SYT7: variants seen among roughly 807,000 people sequenced by gnomAD.
SYT7 encodes the protein synaptotagmin 7.
In SYT7, 29 loss-of-function variants were observed where a neutral mutation model predicts 75.1. The ratio of observed to expected loss-of-function variants is 0.39; its 90% CI spans 0.29 to 0.53. The LOEUF (loss-of-function observed/expected upper bound fraction) is 0.53, where lower values mean the gene tolerates loss of function less well. Among genes scored for constraint, SYT7 ranks in the 20% least tolerant of loss-of-function variants. The probability of loss-of-function intolerance (pLI) is 0.77; values close to 1 mark genes in which losing one functional copy is unlikely to be tolerated. For synonymous variants in SYT7, 376 were observed against 401.7 expected (o/e 0.94, Z 0.76); for missense variants, 693 against 953.2 (o/e 0.73, Z 3.59).
At position 61,547,445 on chromosome 11, in the gene SYT7, C is replaced by A. The variant is rs993351076; in HGVS notation, c.216-137G>T. 40 of 1,006,344 alleles carry A rather than the reference C, an allele frequency of 4.0e-5. 1 individual carries two copies. In the South Asian group the frequency reaches 6.4e-4, roughly 16 times the overall value. The allele number at this position is 1,006,344 out of a possible 1,614,324, so 62.3% of individuals were successfully genotyped here. ...GCGGGGCTTCGTGGGTCAGCTCCTG[C>A]GGGAGGAAGAAAGGCAGGCGGGCAC... On this transcript the variant is annotated intron_variant, in intron 3 of 12. Transcript: ENST00000539008.
rs1248182469 is a variant in SYT7, at chr11:61,576,219, G to A, written c.31+4571C>T. Among the ~76,000 whole-genome samples the A allele has an allele frequency of 4.6e-5, 7 of 152,218 alleles. No homozygotes were observed. The highest frequency in any genetic ancestry group is 2.6e-4 in the Admixed American group (4 of 15,286). ...TGCCCTGCAGACACTAGTTGGACAGGGCCCAGCAGGGCTGCCCCTGCTGCC... is the reference window on the plus strand; with the variant it reads ...TGCCCTGCAGACACTAGTTGGACAGAGCCCAGCAGGGCTGCCCCTGCTGCC... On this transcript the variant is annotated intron_variant, in intron 1 of 12. Transcript: ENST00000539008. The surrounding 1 kb of genome is among the most constrained non-coding windows in gnomAD (Gnocchi z 4.1).
intron 6 of SYT7, 86 bp from the exon 7 acceptor site, chr11:61,538,352 A>AGG (rs1460081469): frequency 1.2e-4 from 70 of 597,714 alleles, no homozygotes; most frequent in African/African-American, 1.1e-3. Flanking sequence ...AGAGGGAGAG[A>AGG]GAGAGAGAGA....
rs369401106 is a variant in SYT7, at chr11:61,527,791, A to G, written c.1471+124T>C. ...TATCTGCTTGCATGTGTGTTTGTGCATTTGTGGGCCTGCAGGTGTGTGTAC... is the reference window on the plus strand; with the variant it reads ...TATCTGCTTGCATGTGTGTTTGTGCGTTTGTGGGCCTGCAGGTGTGTGTAC... On this transcript the variant is annotated intron_variant, in intron 9 of 12. Coordinates refer to ENST00000539008, the MANE Select transcript of SYT7 (RefSeq NM_001365809.2). The G allele has an allele frequency of 2.6e-5, 30 of 1,175,050 alleles. No homozygotes were observed. The South Asian group carries it at 3.8e-4, about 15-fold the overall frequency. 72.8% of individuals were successfully genotyped at this position (1,175,050 alleles called of 1,614,324 possible). A position where few individuals can be genotyped will look rare whatever the true frequency, so the allele number is the denominator to read the frequency against.
intron 1 of SYT7, among the ~76,000 whole-genome samples, chr11:61,563,187 A>G (rs192869320): frequency 2.2e-4 from 33 of 152,322 alleles, no homozygotes; most frequent in African/African-American, 7.7e-4. Context: ...TGAATTTGCC[A>G]TCACTTGTCT....
At position 61,516,754 on chromosome 11, in the gene SYT7, C is replaced by A. The variant is rs1165807166; in HGVS notation, c.*1873G>T. On this transcript the variant is annotated 3_prime_UTR_variant, in exon 13 of 13. Coordinates refer to ENST00000539008, the MANE Select transcript of SYT7 (RefSeq NM_001365809.2). The surrounding 1 kb of genome is among the most constrained non-coding windows in gnomAD (Gnocchi z 4.6). Reference sequence around the variant, plus strand: ...TAGAAACATTTGGATTTACAAGGAACGTGGGTGACTATTTGCTTTACATTA... The same window carrying A: ...TAGAAACATTTGGATTTACAAGGAAAGTGGGTGACTATTTGCTTTACATTA... 6.6e-6 allele frequency: 1 copy of A among 152,644 alleles called. No individual in the cohort carries two copies. The highest frequency in any genetic ancestry group is 6.5e-5 in the Admixed American group (1 of 15,296). The allele number at this position is 152,644 out of a possible 1,614,324, so 9.5% of individuals were successfully genotyped here.
intron 1 of SYT7, among the ~76,000 whole-genome samples, chr11:61,570,730 C>T (rs2063898983): frequency 6.6e-6 from 1 of 152,184 alleles, no homozygotes; most frequent in Admixed American, 6.5e-5. Flanking sequence ...AGTAGGACTG[C>T]AATCCATGAG....
At chr11:61,585,658 C>T (rs2064371312), upstream of SYT7, among the ~76,000 whole-genome samples, 2 of 152,202 alleles carry the variant, frequency 1.3e-5, no homozygotes, top group Non-Finnish European at 2.9e-5. Context: ...CCCACCTCAT[C>T]ACCATCAATA....
chr11:61,582,514 C>CACACACAT (rs1357669269), upstream of SYT7, among the ~76,000 whole-genome samples: 1 of 152,188 alleles, frequency 6.6e-6, no homozygotes, highest in Non-Finnish European at 1.5e-5. Flanking sequence ...AACCACCACA[C>CACACACAT]ACACACATAC....
chr11:61,556,459 G>A (rs927652058), intron 1 of SYT7, among the ~76,000 whole-genome samples: 1 of 152,178 alleles, frequency 6.6e-6, no homozygotes, highest in African/African-American at 2.4e-5. Context: ...CTCCCTGCAC[G>A]GACCCTGTGT....
rs142747426 is a variant in SYT7 at position 61,528,742 on chromosome 11, G to A, written c.1201-557C>T. 9.8e-5 allele frequency among the ~76,000 whole-genome samples: 15 copies of A among 152,298 alleles called. No homozygotes were observed. The East Asian group carries it at 1.5e-3, about 16-fold the overall frequency. ...AGAGAGGCAAGTTTTCAGGAGCAAC[G>A]TCTGTTTGTGTAAGGCAGAATCACT... On this transcript the variant is annotated intron_variant, in intron 8 of 12. Coordinates refer to ENST00000539008, the MANE Select transcript of SYT7 (RefSeq NM_001365809.2).
At position 61,542,170 on chromosome 11, in the gene SYT7, T is replaced by C. The variant is rs2063061005; in HGVS notation, c.941+41A>G. 1 of 1,518,090 alleles carries C rather than the reference T, an allele frequency of 6.6e-7. No homozygotes were observed. The highest frequency in any genetic ancestry group is 1.4e-5 in the African/African-American group (1 of 71,468). 94.0% of individuals were successfully genotyped at this position (1,518,090 alleles called of 1,614,324 possible). ...GAGATCTGGGGGGCAGGAGGCTGGG[T>C]CAGGGAGGTGGGGGCCGGCCCGCTC... On this transcript the variant is annotated intron_variant, in intron 6 of 12. Coordinates refer to ENST00000539008, the MANE Select transcript of SYT7 (RefSeq NM_001365809.2). The surrounding 1 kb of genome is among the most constrained non-coding windows in gnomAD (Gnocchi z 7.8).
Position 61,516,776 on chromosome 11 carries a change from A to G in SYT7, c.*1851T>C, listed in dbSNP as rs1286116902. The G allele has an allele frequency of 1.3e-5, 2 of 153,682 alleles. No homozygotes were observed. Among genetic ancestry groups the G allele is most frequent in the Non-Finnish European group, 2.9e-5 (2 of 69,100 alleles). 9.5% of individuals were successfully genotyped at this position (153,682 alleles called of 1,614,324 possible). ...GAACGTGGGTGACTATTTGCTTTACATTAGCATTCTTCACTCTACAAAACG... is the reference window on the plus strand; with the variant it reads ...GAACGTGGGTGACTATTTGCTTTACGTTAGCATTCTTCACTCTACAAAACG... On this transcript the variant is annotated 3_prime_UTR_variant, in exon 13 of 13. Transcript: ENST00000539008. The surrounding 1 kb of genome is among the most constrained non-coding windows in gnomAD (Gnocchi z 4.6).
Position 61,556,207 on chromosome 11 carries a change from C to A in SYT7, c.32G>T (p.Gly11Val). ...CAGCAGGACGTCGCGCGAGGGCGCC[C>A]CTGGGGAGGACAGGTACAGGTCACA... MYRDPEAASP[G>V]APSRDVLLVS... The change falls in exon 2 of 13, where the codon GGG becomes GTG. Residue 11 changes from glycine (G) to valine (V), a missense_variant and splice_region_variant. Gly to Val is a moderately radical substitution (Grantham distance 109). This residue lies in a region of SYT7 where 487 missense variants were observed against 593.2 expected (regional missense o/e 0.82). Transcript: ENST00000539008. 1 of 1,612,142 alleles carries A rather than the reference C, an allele frequency of 6.2e-7. No homozygotes were observed. Among genetic ancestry groups the A allele is most frequent in the South Asian group, 1.1e-5 (1 of 90,678 alleles).
Position 61,517,331 on chromosome 11 carries a change from C to G in SYT7, c.*1296G>C, listed in dbSNP as rs1446637205. The stretch of plus-strand genomic sequence containing the variant: ...TTCTTTGTGTGTGGCAACCTCAGAA[C>G]TCACAGAATCCTGGTCTTTTCCCTG... On this transcript the variant is annotated 3_prime_UTR_variant, in exon 13 of 13. Transcript: ENST00000539008. 1 of 398,558 alleles carries G rather than the reference C, an allele frequency of 2.5e-6. No individual in the cohort carries two copies. Among genetic ancestry groups the G allele is most frequent in the Non-Finnish European group, 4.4e-6 (1 of 226,098 alleles). The allele number at this position is 398,558 out of a possible 1,614,324, so 24.7% of individuals were successfully genotyped here. A position where few individuals can be genotyped will look rare whatever the true frequency, so the allele number is the denominator to read the frequency against.
intron 1 of SYT7, among the ~76,000 whole-genome samples, chr11:61,558,481 T>TAC (rs1406026925): frequency 1.2e-3 from 174 of 139,456 alleles, no homozygotes; most frequent in African/African-American, 4.6e-3. Flanking sequence ...AAAAAATATA[T>TAC]ATATACACAC....
chr11:61,571,193 G>A (rs1278922569), intron 1 of SYT7, among the ~76,000 whole-genome samples: 4 of 152,288 alleles, frequency 2.6e-5, no homozygotes, highest in South Asian at 2.1e-4. Flanking sequence ...GCGCCCCAGC[G>A]ATGTGTGCCC....
chr11:61,523,353 G>GGGAA lies in SYT7; in HGVS notation c.1757-80_1757-79insTTCC. 1 of 1,421,688 alleles carries GGGAA rather than the reference G, an allele frequency of 7.0e-7. No individual in the cohort carries two copies. Among genetic ancestry groups the GGGAA allele is most frequent in the Admixed American group, 1.7e-5 (1 of 58,958 alleles). 88.1% of individuals were successfully genotyped at this position (1,421,688 alleles called of 1,614,324 possible). ...GGATCCTTTTCCCCTTCCAGGAATG[G>GGGAA]AAGCTGAGGCAGGAGGGCCGTGTGC... is the stretch of plus-strand genomic sequence containing the variant. On this transcript the variant is annotated intron_variant, in intron 11 of 12. Transcript: ENST00000539008. The surrounding 1 kb of genome is among the most constrained non-coding windows in gnomAD (Gnocchi z 5.0).
chr11:61,579,029 G>C (rs909161561), intron 1 of SYT7, among the ~76,000 whole-genome samples: 1 of 152,348 alleles, frequency 6.6e-6, no homozygotes, highest in Admixed American at 6.5e-5. Flanking sequence ...GGTGAGGGCA[G>C]AGGTGCTTGG....
chr11:61,586,579 T>A, the SYT7 span, among the ~76,000 whole-genome samples: 1 of 152,244 alleles, frequency 6.6e-6, no homozygotes, highest in Non-Finnish European at 1.5e-5. Flanking sequence ...ATGAAGTCAG[T>A]GGACCTCTCC....
Sources: allele counts gnomAD v4.1 joint callset (sites outside exome capture counted in the v4.1 genomes callset), GRCh38; gene constraint gnomAD v4.1.1; regional missense constraint gnomAD v4.1.1; non-coding constraint Gnocchi (gnomAD v3.1); transcripts MANE v1.5; gene names NCBI Gene and HGNC (gene_info 2026-07-23, HGNC 2026-07-21).